The following CD93 variants were observed in gnomAD, a reference collection of about 807,000 sequenced individuals.
CD93 encodes the protein complement component C1q receptor.
Under a neutral mutation model 45.5 loss-of-function variants are expected in CD93, and 44 were observed. That is an observed-to-expected ratio of 0.97 (90% CI 0.76 to 1.24). The LOEUF (loss-of-function observed/expected upper bound fraction) is 1.24. Among genes scored for constraint, CD93 ranks in the 50% most tolerant of loss-of-function variants. CD93 has a pLI of 0.00. For synonymous variants in CD93, 431 were observed against 370.8 expected (o/e 1.16, Z -1.87); for missense variants, 918 against 844.5 (o/e 1.09, Z -1.08).
rs1985358605 is a variant in CD93 at position 23,082,759 on chromosome 20, G to A, written c.*1191C>T. The A allele has an allele frequency of 6.6e-6, 1 of 152,380 alleles. No individual in the cohort carries two copies. The highest frequency in any genetic ancestry group is 2.4e-5 in the African/African-American group (1 of 41,416). 9.4% of individuals were successfully genotyped at this position (152,380 alleles called of 1,614,324 possible). On this transcript the variant is annotated 3_prime_UTR_variant, in exon 2 of 2. Coordinates refer to ENST00000246006, the MANE Select transcript of CD93 (RefSeq NM_012072.4). ...TCCTTACCCCCAATTTTAAGGAAAAGAGACAGAGAACAAAAGTTCCTTAAG... is the reference window on the plus strand; with the variant it reads ...TCCTTACCCCCAATTTTAAGGAAAAAAGACAGAGAACAAAAGTTCCTTAAG...
chr20:23,085,293 A>C lies in CD93; in HGVS notation c.900T>G (p.Cys300Trp), dbSNP rs1210434337. The change falls in exon 1 of 2, where the codon TGT (cysteine) becomes TGG (tryptophan). Residue 300 changes from cysteine to tryptophan, a missense_variant. Transcript: ENST00000246006. ...GFRLLDDLVT[C>W]ASRNPCSSSP... ...TGGAGCTGCAAGGGTTTCGAGAGGC[A>C]CAGGTCACCAGGTCATCCAGCAGCC... The C allele has an allele frequency of 8.7e-6, 14 of 1,613,824 alleles. No homozygotes were observed. The highest frequency in any genetic ancestry group is 1.2e-5 in the Non-Finnish European group (14 of 1,180,020).
At position 23,082,123 on chromosome 20, in the gene CD93, T is replaced by A. The variant is rs180859518; in HGVS notation, c.*1827A>T. On this transcript the variant is annotated 3_prime_UTR_variant, in exon 2 of 2. Transcript: ENST00000246006. ...CAACTGAAAACTGGAGACCATGAGATGACTTTAAAAAGAAGTTCCAAATGC... is the reference window on the plus strand; with the variant it reads ...CAACTGAAAACTGGAGACCATGAGAAGACTTTAAAAAGAAGTTCCAAATGC... The A allele has an allele frequency of 6.6e-6, 1 of 152,178 alleles. No individual in the cohort carries two copies. The highest frequency in any genetic ancestry group is 1.5e-5 in the Non-Finnish European group (1 of 68,036). 9.4% of individuals were successfully genotyped at this position (152,178 alleles called of 1,614,324 possible).
At position 23,085,831 on chromosome 20, in the gene CD93, T is replaced by TGGGGG; in HGVS notation, c.361_362insCCCCC (p.Glu121AlafsTer81). The TGGGGG allele has an allele frequency of 6.7e-7, 1 of 1,491,214 alleles. No homozygotes were observed. Among genetic ancestry groups the TGGGGG allele is most frequent in the Non-Finnish European group, 9.1e-7 (1 of 1,097,830 alleles). 92.4% of individuals were successfully genotyped at this position (1,491,214 alleles called of 1,614,324 possible). A position where few individuals can be genotyped will look rare whatever the true frequency, so the allele number is the denominator to read the frequency against. On this transcript the variant is annotated frameshift_variant, in exon 1 of 2. Coordinates refer to ENST00000246006, the MANE Select transcript of CD93 (RefSeq NM_012072.4). LOFTEE classifies it high-confidence loss of function. ...GTGCCAGTTAGAGTAAGGCGTGTCC[T>TGGGGG]CCCCCCCGCCCACCCAGCTGAAGCC...
chr20:23,084,849 C>T lies in CD93; in HGVS notation c.1344G>A (p.Gly448=), dbSNP rs41471444. The T allele has an allele frequency of 2.4e-3, 3,872 of 1,613,318 alleles. 54 individuals carry two copies. In the African/African-American group the frequency reaches 0.044, roughly 18 times the overall value. The change falls in exon 1 of 2, where the codon GGG becomes GGA. Residue 448 remains glycine (G), a synonymous_variant. Transcript: ENST00000246006. ...CTGGCAGGCAGCCACAGTGGAAGGA[C>T]CCTTGTGTGTTGAAGCACAAGCTGT... ...LCDSLCFNTQ[G]SFHCGCLPGW...
rs768373876 is a variant in CD93, at chr20:23,084,379, A to C, written c.1814T>G (p.Val605Gly). Residue 605 changes from valine to glycine, a missense_variant, in exon 1 of 2, where the codon GTC (valine) becomes GGC (glycine). Val to Gly is a moderately radical substitution (Grantham distance 109, BLOSUM62 -3). Transcript: ENST00000246006. ...LLLALALGLLVYRKRRAKREE... is the reference protein window; with the variant it reads ...LLLALALGLLGYRKRRAKREE... ...CCTCTTCGCTCTCCGCTTGCGATAG[A>C]CCAGTAGCCCCAGAGCCAGGGCCAG... The C allele has an allele frequency of 6.2e-6, 10 of 1,614,220 alleles. No homozygotes were observed. In the East Asian group the frequency reaches 2.0e-4, roughly 32 times the overall value.
Position 23,081,709 on chromosome 20 carries a change from A to C in CD93, c.*2241T>G, listed in dbSNP as rs1218693464. The C allele has an allele frequency of 3.3e-5, 5 of 152,232 alleles. No homozygotes were observed. The highest frequency in any genetic ancestry group is 1.2e-4 in the African/African-American group (5 of 41,442). The allele number at this position is 152,232 out of a possible 1,614,324, so 9.4% of individuals were successfully genotyped here. A position where few individuals can be genotyped will look rare whatever the true frequency, so the allele number is the denominator to read the frequency against. On this transcript the variant is annotated 3_prime_UTR_variant, in exon 2 of 2. Coordinates refer to ENST00000246006, the MANE Select transcript of CD93 (RefSeq NM_012072.4). The stretch of plus-strand genomic sequence containing the variant: ...TCCCTGTTGTTGAGAACAGGGCTGC[A>C]TTCAGAGAACAGACGATGGGCCTGG...
In CD93 at chr20:23,084,738, GTCC is replaced by G. The variant is rs556056799; in HGVS notation, c.1452_1454del (p.Glu484del). The G allele has an allele frequency of 3.3e-4, 536 of 1,607,004 alleles. No homozygotes were observed. The highest frequency in any genetic ancestry group is 2.0e-3 in the Middle Eastern group (12 of 6,004). On this transcript the variant is annotated inframe_deletion, in exon 1 of 2. Transcript: ENST00000246006. ...CGGTGCTCCCTTCTTTCTCTCCTTT[GTCC>G]TCCTCATCGGGGGGCCCAGATGGTG... is the stretch of plus-strand genomic sequence containing the variant.
rs1354439654 is a variant in CD93, at chr20:23,082,319, C to G, written c.*1631G>C. 2.0e-5 allele frequency: 3 copies of G among 152,222 alleles called. No individual in the cohort carries two copies. The highest frequency in any genetic ancestry group is 4.4e-5 in the Non-Finnish European group (3 of 68,074). The allele number at this position is 152,222 out of a possible 1,614,324, so 9.4% of individuals were successfully genotyped here. ...CAGAGTGTCACCTCAGAGACCGATG[C>G]ATTGCTAAGGCAAAACCAGAAACAC... On this transcript the variant is annotated 3_prime_UTR_variant, in exon 2 of 2. Coordinates refer to ENST00000246006, the MANE Select transcript of CD93 (RefSeq NM_012072.4).
At position 23,084,342 on chromosome 20, in the gene CD93, C is replaced by G; in HGVS notation, c.1851G>C (p.Lys617Asn). 6.2e-7 allele frequency: 1 copy of G among 1,614,216 alleles called. No homozygotes were observed. Among genetic ancestry groups the G allele is most frequent in the Non-Finnish European group, 8.5e-7 (1 of 1,180,032 alleles). The stretch of plus-strand genomic sequence containing the variant: ...CTGCCGCATTCTGGGGCTTCTTCTC[C>G]TTCTTCTCCTCCCTCTTCGCTCTCC... ...RKRRAKREEK[K>N]EKKPQNAADS... The change falls in exon 1 of 2, where the codon AAG becomes AAC. Residue 617 changes from lysine to asparagine, a missense_variant. Transcript: ENST00000246006.
chr20:23,084,186 C>A, intron 1 of CD93, 73 bp downstream of exon 1: 1 of 1,552,252 alleles, frequency 6.4e-7, no homozygotes. Flanking sequence ...CTCTTGCTGC[C>A]ACCTCTTTGT....
rs1221596187 is a variant in CD93, at chr20:23,081,180, C to T, written c.*2770G>A. 6.6e-6 allele frequency: 1 copy of T among 152,220 alleles called. No homozygotes were observed. The allele number at this position is 152,220 out of a possible 1,614,324, so 9.4% of individuals were successfully genotyped here. On this transcript the variant is annotated 3_prime_UTR_variant, in exon 2 of 2. Coordinates refer to ENST00000246006, the MANE Select transcript of CD93 (RefSeq NM_012072.4). ...CTTGGTGTCCATCTCCAAGTGAAAA[C>T]TTCCCCCGTCCCCATGGCCCTGGCT... is the stretch of plus-strand genomic sequence containing the variant.
Position 23,085,831 on chromosome 20 carries a change from T to TGGGCGCCC in CD93, c.361_362insGGGCGCCC (p.Glu121GlyfsTer82). Reference sequence around the variant, plus strand: ...GTGCCAGTTAGAGTAAGGCGTGTCCTCCCCCCCGCCCACCCAGCTGAAGCC... The same window carrying TGGGCGCCC: ...GTGCCAGTTAGAGTAAGGCGTGTCCTGGGCGCCCCCCCCCCGCCCACCCAGCTGAAGCC... On this transcript the variant is annotated frameshift_variant, in exon 1 of 2. Coordinates refer to ENST00000246006, the MANE Select transcript of CD93 (RefSeq NM_012072.4). LOFTEE classifies it high-confidence loss of function. 1 of 1,491,284 alleles carries TGGGCGCCC rather than the reference T, an allele frequency of 6.7e-7. No individual in the cohort carries two copies. Among genetic ancestry groups the TGGGCGCCC allele is most frequent in the Non-Finnish European group, 9.1e-7 (1 of 1,097,894 alleles). 92.4% of individuals were successfully genotyped at this position (1,491,284 alleles called of 1,614,324 possible). A position where few individuals can be genotyped will look rare whatever the true frequency, so the allele number is the denominator to read the frequency against.
chr20:23,083,940 C>T lies in CD93; in HGVS notation c.*10G>A, dbSNP rs1017172743. 2 of 1,613,928 alleles carry T rather than the reference C, an allele frequency of 1.2e-6. No individual in the cohort carries two copies. The highest frequency in any genetic ancestry group is 1.7e-6 in the Non-Finnish European group (2 of 1,179,826). On this transcript the variant is annotated 3_prime_UTR_variant, in exon 2 of 2. Transcript: ENST00000246006. ...CTGGTGACTCTAGTGTCTCTAGGGC[C>T]ACCTCACTTTCAGCAGTCTGTCCCA...
rs771163742 is a variant in CD93 at position 23,085,374 on chromosome 20, C to CTGGTGGCAGCCCCCAT, written c.803_818dup (p.Asp274TrpfsTer9). The stretch of plus-strand genomic sequence containing the variant: ...AGCCATCCCCCCCTTCAAAGCAGTC[C>CTGGTGGCAGCCCCCAT]TGGTGGCAGCCCCCATTGTTGAAGT... On this transcript the variant is annotated frameshift_variant, in exon 1 of 2. Coordinates refer to ENST00000246006, the MANE Select transcript of CD93 (RefSeq NM_012072.4). LOFTEE classifies it high-confidence loss of function. 1.9e-6 allele frequency: 3 copies of CTGGTGGCAGCCCCCAT among 1,613,992 alleles called. No homozygotes were observed. The highest frequency in any genetic ancestry group is 2.5e-6 in the Non-Finnish European group (3 of 1,179,982).
rs1158396602 is a variant in CD93 at position 23,085,956 on chromosome 20, G to C, written c.237C>G (p.Leu79=). 9.3e-6 allele frequency: 15 copies of C among 1,610,488 alleles called. No individual in the cohort carries two copies. In the South Asian group the frequency reaches 1.4e-4, roughly 15 times the overall value. ...CCGTCAGGGCTGCCTCCCGCCTCAG[G>C]AGCTGGGCCAGTACTCGCTGGACGT... is the stretch of plus-strand genomic sequence containing the variant. ...AQHVQRVLAQ[L]LRREAALTAR... The change falls in exon 1 of 2, where the codon CTC becomes CTG. Residue 79 remains leucine (L), a synonymous_variant. Coordinates refer to ENST00000246006, the MANE Select transcript of CD93 (RefSeq NM_012072.4).
chr20:23,085,688 C>T lies in CD93; in HGVS notation c.505G>A (p.Gly169Ser), dbSNP rs6076020. 2 of 1,610,790 alleles carry T rather than the reference C, an allele frequency of 1.2e-6. No individual in the cohort carries two copies. Among genetic ancestry groups the T allele is most frequent in the South Asian group, 1.1e-5 (1 of 90,970 alleles). The part of the protein sequence containing the change: ...KWSEGPCGSP[G>S]SPGSNIEGFV... ...CCCTCAATGTTACTTCCGGGGGAGC[C>T]TGGGCTCCCACAGGGGCCCTCAGAC... Residue 169 changes from glycine (G) to serine (S), a missense_variant, in exon 1 of 2, where the codon GGC (glycine) becomes AGC (serine). Gly to Ser is a moderately conservative substitution (Grantham distance 56). Coordinates refer to ENST00000246006, the MANE Select transcript of CD93 (RefSeq NM_012072.4).
chr20:23,080,017 T>G lies in CD93; in HGVS notation c.*3933A>C, dbSNP rs1457252377. Reference sequence around the variant, plus strand: ...AACCATATAGATTTAAACCATGGGTTTTGCAGCCGAAGTAGAGACAGATGT... The same window carrying G: ...AACCATATAGATTTAAACCATGGGTGTTGCAGCCGAAGTAGAGACAGATGT... On this transcript the variant is annotated 3_prime_UTR_variant, in exon 2 of 2. Coordinates refer to ENST00000246006, the MANE Select transcript of CD93 (RefSeq NM_012072.4). 2 of 152,024 alleles carry G rather than the reference T, an allele frequency of 1.3e-5. No individual in the cohort carries two copies. Among genetic ancestry groups the G allele is most frequent in the Non-Finnish European group, 2.9e-5 (2 of 67,992 alleles). The allele number at this position is 152,024 out of a possible 1,614,324, so 9.4% of individuals were successfully genotyped here. A position where few individuals can be genotyped will look rare whatever the true frequency, so the allele number is the denominator to read the frequency against.
Position 23,085,065 on chromosome 20 carries a change from G to A in CD93, c.1128C>T (p.Gly376=), listed in dbSNP as rs772853677. Residue 376 remains glycine (G), a synonymous_variant, in exon 1 of 2, where the codon GGC becomes GGT. Transcript: ENST00000246006. ...RCECWVGYEP[G]GPGEGACQDV... ...CCTGACAGGCCCCCTCTCCAGGACCGCCCGGCTCATAGCCAACCCAGCATT... is the reference window on the plus strand; with the variant it reads ...CCTGACAGGCCCCCTCTCCAGGACCACCCGGCTCATAGCCAACCCAGCATT... 1.1e-5 allele frequency: 18 copies of A among 1,612,784 alleles called. No homozygotes were observed. The highest frequency in any genetic ancestry group is 1.6e-4 in the Middle Eastern group (1 of 6,074).
rs2122705346 is a variant in CD93 at position 23,083,637 on chromosome 20, GC to G, written c.*312del. ...AGAAGATATTCAGGGGAGCCCCTTA[GC>G]CCCGGCCTCCTCACACCCTGATCCG... On this transcript the variant is annotated 3_prime_UTR_variant, in exon 2 of 2. Transcript: ENST00000246006. 1 of 466,504 alleles carries G rather than the reference GC, an allele frequency of 2.1e-6. No individual in the cohort carries two copies. The highest frequency in any genetic ancestry group is 1.9e-5 in the African/African-American group (1 of 51,376). The allele number at this position is 466,504 out of a possible 1,614,324, so 28.9% of individuals were successfully genotyped here.
Sources: allele counts gnomAD v4.1 joint callset, GRCh38; gene constraint gnomAD v4.1.1; transcripts MANE v1.5; gene names NCBI Gene and HGNC (gene_info 2026-07-23, HGNC 2026-07-21).